Variants in RAB30 observed in about 807,000 individuals in gnomAD.
RAB30 encodes the protein RAB30, member RAS oncogene family.
In RAB30, 9 loss-of-function variants were observed where a neutral mutation model predicts 25.1. That is an observed-to-expected ratio of 0.36 (90% CI 0.22 to 0.63). RAB30 has a LOEUF of 0.63. Among genes scored for constraint, RAB30 ranks in the 20% least tolerant of loss-of-function variants. The pLI is 0.69. For missense variants in RAB30, 140 were observed against 243.5 expected, an observed-to-expected ratio of 0.58 and a Z score of 2.83; for synonymous variants, 77 against 86.4, an observed-to-expected ratio of 0.89 and a Z score of 0.60.
At chr11:83,027,080 A>G (rs1032085917) in intron 1 of RAB30, among the ~76,000 whole-genome samples, 9 of 152,156 alleles carry the variant, frequency 5.9e-5, no homozygotes, top group African/African-American at 2.2e-4. Flanking sequence ...CTCATTAACA[A>G]AACTCCAAAG....
chr11:83,030,084 T>C (rs1857819009), intron 1 of RAB30, among the ~76,000 whole-genome samples: 1 of 152,098 alleles, frequency 6.6e-6, no homozygotes, highest in Admixed American at 6.5e-5. Flanking sequence ...ACATACTGAG[T>C]AGGGTGTACA....
chr11:83,031,701 ATT>A (rs1469953880), intron 1 of RAB30, among the ~76,000 whole-genome samples: 2 of 151,826 alleles, frequency 1.3e-5, no homozygotes. Flanking sequence ...CTAATTTTGT[ATT>A]TTTAGGAGAG....
intron 1 of RAB30, among the ~76,000 whole-genome samples, chr11:83,030,535 C>T (rs1857832120): frequency 6.6e-6 from 1 of 151,922 alleles, no homozygotes; most frequent in South Asian, 2.1e-4. Flanking sequence ...TGGTAGCTCA[C>T]CCCTATAATC....
intron 4 of RAB30, among the ~76,000 whole-genome samples, chr11:82,984,411 G>A (rs750813073): frequency 2.0e-4 from 30 of 152,114 alleles, no homozygotes; most frequent in Non-Finnish European, 4.1e-4. Context: ...GAATCGTCTG[G>A]GGGTTGCGGA....
rs369584368 is a variant in RAB30 at position 83,060,850 on chromosome 11, T to C, written c.-9+10841A>G. Among the ~76,000 whole-genome samples, 30 of 152,276 alleles carry C rather than the reference T, an allele frequency of 2.0e-4. 1 individual carries two copies. In the East Asian group the frequency reaches 3.5e-3, roughly 18 times the overall value. On this transcript the variant is annotated intron_variant, in intron 1 of 4. Transcript: ENST00000527633. ...CCAGGTGTGGAAGAACCACCACCAA[T>C]GTTGGTGGGCACCATTCAGTCTGCT... is the stretch of plus-strand genomic sequence containing the variant.
chr11:82,988,978 A>G (rs941251870), intron 3 of RAB30, among the ~76,000 whole-genome samples: 3 of 144,898 alleles, frequency 2.1e-5, no homozygotes, highest in African/African-American at 5.1e-5. Context: ...TTTATTTGTA[A>G]TAATTTGTTT....
In RAB30 at chr11:82,982,197, T is replaced by G; in HGVS notation, c.580A>C (p.Ile194Leu). ...SSPLPGEGKS[I>L]SYLTCCNFN is the part of the protein sequence containing the mutation. Reference sequence around the variant, plus strand: ...AAATTACAACAAGTCAAATAGCTGATGCTTTTCCCTTCTCCAGGTAAGGGT... The same window carrying G: ...AAATTACAACAAGTCAAATAGCTGAGGCTTTTCCCTTCTCCAGGTAAGGGT... The change falls in exon 5 of 5, where the codon ATC (isoleucine) becomes CTC (leucine). Residue 194 changes from isoleucine (I) to leucine (L), a missense_variant. Transcript: ENST00000527633. 1 of 1,614,234 alleles carries G rather than the reference T, an allele frequency of 6.2e-7. No individual in the cohort carries two copies. Among genetic ancestry groups the G allele is most frequent in the Non-Finnish European group, 8.5e-7 (1 of 1,180,032 alleles).
intron 1 of RAB30, among the ~76,000 whole-genome samples, chr11:83,001,909 C>T (rs1437643843): frequency 2.6e-5 from 4 of 152,160 alleles, no homozygotes; most frequent in African/African-American, 7.2e-5. Flanking sequence ...TTATTCAGTG[C>T]TTTTTATGTC....
chr11:83,004,869 T>C (rs1857154855), intron 1 of RAB30, among the ~76,000 whole-genome samples: 1 of 152,194 alleles, frequency 6.6e-6, no homozygotes, highest in South Asian at 2.1e-4. Context: ...CATCCATCTT[T>C]CCGCCTAACA....
At chr11:83,010,771 C>G (rs577061861) in intron 1 of RAB30, among the ~76,000 whole-genome samples, 1 of 152,082 alleles carries the variant, frequency 6.6e-6, no homozygotes, top group South Asian at 2.1e-4. Context: ...AATAACTGAA[C>G]GAACCCAAAA....
intron 1 of RAB30, among the ~76,000 whole-genome samples, chr11:83,018,488 C>A (rs974435640): frequency 2.6e-5 from 4 of 152,068 alleles, no homozygotes; most frequent in Non-Finnish European, 5.9e-5. Context: ...TGTATATCTT[C>A]TTCTGAGAAT....
intron 1 of RAB30, among the ~76,000 whole-genome samples, chr11:83,044,065 G>C (rs1210055772): frequency 6.6e-6 from 1 of 151,870 alleles, no homozygotes; most frequent in African/African-American, 2.4e-5. Flanking sequence ...AATTTGTGTA[G>C]GGTTGGATGG....
At chr11:83,049,805 T>G (rs753684681) in intron 1 of RAB30, among the ~76,000 whole-genome samples, 8 of 152,204 alleles carry the variant, frequency 5.3e-5, no homozygotes, top group Non-Finnish European at 1.5e-5. Context: ...CAGGCATCTT[T>G]GGAAATAACT....
chr11:83,013,977 C>T (rs1857359469), intron 1 of RAB30, among the ~76,000 whole-genome samples: 1 of 152,210 alleles, frequency 6.6e-6, no homozygotes, highest in African/African-American at 2.4e-5. Flanking sequence ...AAAACATTCA[C>T]TCATTTCATA....
rs575930104 is a variant in RAB30 at position 83,021,097 on chromosome 11, G to A, written c.-8-23773C>T. On this transcript the variant is annotated intron_variant, in intron 1 of 4. Transcript: ENST00000527633. ...CACTCATCAGGACATCCTGGCCATG[G>A]AGAGGAGCTGCTCACTGCGGGTCTT... 5.3e-5 allele frequency among the ~76,000 whole-genome samples: 8 copies of A among 152,312 alleles called. No homozygotes were observed. The East Asian group carries it at 1.4e-3, about 26-fold the overall frequency.
chr11:83,002,634 A>G (rs1370524529), intron 1 of RAB30, among the ~76,000 whole-genome samples: 1 of 152,196 alleles, frequency 6.6e-6, no homozygotes, highest in East Asian at 1.9e-4. Context: ...CATTTAAACC[A>G]TTCTTTAAAA....
intron 1 of RAB30, among the ~76,000 whole-genome samples, chr11:83,061,515 T>C (rs1343624208): frequency 1.3e-5 from 2 of 152,148 alleles, no homozygotes; most frequent in African/African-American, 4.8e-5. Flanking sequence ...AGGGGATATA[T>C]GCTTAAGGGC....
chr11:83,048,057 A>C lies in RAB30; in HGVS notation c.-9+23634T>G, dbSNP rs371133860. On this transcript the variant is annotated intron_variant, in intron 1 of 4. Coordinates refer to ENST00000527633, the MANE Select transcript of RAB30 (RefSeq NM_001286060.2). ...CCAGGAGTTTGAGATTGGCCTTAGC[A>C]ACATAGCAAGACCCTGTCTCTACAA... 2.3e-4 allele frequency among the ~76,000 whole-genome samples: 35 copies of C among 152,238 alleles called. No homozygotes were observed. In the East Asian group the frequency reaches 6.4e-3, roughly 28 times the overall value.
Position 83,014,482 on chromosome 11 carries a change from G to A in RAB30, c.-8-17158C>T, listed in dbSNP as rs187256023. ...GGTCCCTTGTGCCCAGGAGGTCAAGGCTGCAGTGAGCTTTGATGATGCCAG... is the reference window on the plus strand; with the variant it reads ...GGTCCCTTGTGCCCAGGAGGTCAAGACTGCAGTGAGCTTTGATGATGCCAG... On this transcript the variant is annotated intron_variant, in intron 1 of 4. Coordinates refer to ENST00000527633, the MANE Select transcript of RAB30 (RefSeq NM_001286060.2). Among the ~76,000 whole-genome samples, 3 of 152,142 alleles carry A rather than the reference G, an allele frequency of 2.0e-5. No individual in the cohort carries two copies. In the East Asian group the frequency reaches 5.8e-4, roughly 29 times the overall value.
Sources: allele counts gnomAD v4.1 joint callset (sites outside exome capture counted in the v4.1 genomes callset), GRCh38; gene constraint gnomAD v4.1.1; transcripts MANE v1.5; gene names NCBI Gene and HGNC (gene_info 2026-07-23, HGNC 2026-07-21).